Variants in RIDA observed in about 807,000 individuals in gnomAD.
RIDA encodes 2-iminobutanoate/2-iminopropanoate deaminase.
In RIDA, 17 loss-of-function variants were observed where a neutral mutation model predicts 17.8. That is an observed-to-expected ratio of 0.96 (90% confidence interval 0.65 to 1.43). The LOEUF (loss-of-function observed/expected upper bound fraction) is 1.43. Among genes scored for constraint, RIDA ranks in the 40% most tolerant of loss-of-function variants. The pLI is 0.00. For missense variants in RIDA, 158 were observed against 161.7 expected, an observed-to-expected ratio of 0.98 and a Z score of 0.12; for synonymous variants, 48 against 55.7, an observed-to-expected ratio of 0.86 and a Z score of 0.62.
At chr8:98,111,476 C>G (rs550829151) in intron 1 of RIDA, among the ~76,000 whole-genome samples, 14 of 152,032 alleles carry the variant, frequency 9.2e-5, no homozygotes, top group African/African-American at 3.4e-4. Flanking sequence ...AGTGGTGGTG[C>G]ACACCTGTAA....
rs1487368768 is a variant in RIDA, at chr8:98,108,634, A to G, written c.171+12T>C. On this transcript the variant is annotated intron_variant, in intron 2 of 5. Transcript: ENST00000254878. The stretch of plus-strand genomic sequence containing the variant: ...GTAGAAAAGGGAACCTTAAATGTGG[A>G]AAATAACTTACTTGTTTAGCTTCTT... The G allele has an allele frequency of 1.2e-5, 18 of 1,560,512 alleles. No individual in the cohort carries two copies. Among genetic ancestry groups the G allele is most frequent in the Non-Finnish European group, 1.5e-5 (17 of 1,131,200 alleles).
At position 98,106,015 on chromosome 8, in the gene RIDA, T is replaced by C. The variant is rs916656286; in HGVS notation, c.227-9A>G. The C allele has an allele frequency of 6.3e-6, 10 of 1,582,826 alleles. No homozygotes were observed. Among genetic ancestry groups the C allele is most frequent in the Non-Finnish European group, 8.7e-6 (10 of 1,151,822 alleles). On this transcript the variant is annotated splice_polypyrimidine_tract_variant and intron_variant, in intron 3 of 5. Coordinates refer to ENST00000254878, the MANE Select transcript of RIDA (RefSeq NM_005836.3). ...AACAGTTGTTTTCACCACTAGAAGA[T>C]ATAAACATTGTCATTAGGTTTAGTT... is the stretch of plus-strand genomic sequence containing the variant.
intron 2 of RIDA, among the ~76,000 whole-genome samples, chr8:98,107,663 T>G (rs1243868776): frequency 6.6e-6 from 1 of 152,194 alleles, no homozygotes; most frequent in Non-Finnish European, 1.5e-5. Context: ...AGTGGCACGA[T>G]CTTGGCTTCC....
chr8:98,115,581 G>A (rs891287462), intron 1 of RIDA, among the ~76,000 whole-genome samples: 1 of 150,922 alleles, frequency 6.6e-6, no homozygotes, highest in Non-Finnish European at 1.5e-5. Flanking sequence ...ATAGAGATGG[G>A]GGTCTCACTA....
rs888465512 is a variant in RIDA, at chr8:98,102,827, C to A, written c.*15G>T. The A allele has an allele frequency of 2.5e-6, 4 of 1,578,384 alleles. No individual in the cohort carries two copies. Among genetic ancestry groups the A allele is most frequent in the African/African-American group, 2.7e-5 (2 of 73,708 alleles). The stretch of plus-strand genomic sequence containing the variant: ...AAAATGTTAACAATTCCAGACTACA[C>A]AGCACTGGGCCCACTTATAGTGATG... On this transcript the variant is annotated 3_prime_UTR_variant, in exon 6 of 6. Coordinates refer to ENST00000254878, the MANE Select transcript of RIDA (RefSeq NM_005836.3).
intron 2 of RIDA, 57 bp from the exon 3 acceptor site, chr8:98,106,383 T>A: frequency 7.1e-7 from 1 of 1,409,686 alleles, no homozygotes; most frequent in Non-Finnish European, 1.0e-6. Context: ...AAGCTTTAAT[T>A]AAATTCAATT....
chr8:98,111,462 A>T (rs1177232748), intron 1 of RIDA, among the ~76,000 whole-genome samples: 1 of 152,120 alleles, frequency 6.6e-6, no homozygotes, highest in Non-Finnish European at 1.5e-5. Flanking sequence ...CACAAAAATT[A>T]GCCAGTGGTG....
At chr8:98,108,209 G>T (rs1361240846) in intron 2 of RIDA, among the ~76,000 whole-genome samples, 1 of 152,142 alleles carries the variant, frequency 6.6e-6, no homozygotes, top group Non-Finnish European at 1.5e-5. Context: ...GCCACATCGT[G>T]CCTGGCCTAA....
rs991273614 is a variant in RIDA at position 98,108,754 on chromosome 8, G to T, written c.66-3C>A. The T allele has an allele frequency of 1.3e-6, 2 of 1,564,380 alleles. No homozygotes were observed. Among genetic ancestry groups the T allele is most frequent in the Admixed American group, 1.7e-5 (1 of 59,876 alleles). The stretch of plus-strand genomic sequence containing the variant: ...TCCTGTCGACTAATACAGCTTGACT[G>T]CAATAAACAGAAAGCTAGTGTATTT... On this transcript the variant is annotated splice_polypyrimidine_tract_variant and splice_region_variant and intron_variant, in intron 1 of 5. Coordinates refer to ENST00000254878, the MANE Select transcript of RIDA (RefSeq NM_005836.3).
intron 1 of RIDA, among the ~76,000 whole-genome samples, chr8:98,109,953 A>C (rs543123054): frequency 6.6e-6 from 1 of 152,166 alleles, no homozygotes; most frequent in African/African-American, 2.4e-5. Context: ...AAATGAAAAC[A>C]TATGTCCAAA....
rs950552751 is a variant in RIDA, at chr8:98,106,191, C to T, written c.226+81G>A. On this transcript the variant is annotated intron_variant, in intron 3 of 5. Coordinates refer to ENST00000254878, the MANE Select transcript of RIDA (RefSeq NM_005836.3). The stretch of plus-strand genomic sequence containing the variant: ...AAATAGCAACAAAGATATGGCACGG[C>T]ATCTTACTGGATGCCATATATTTTT... 1.1e-4 allele frequency: 143 copies of T among 1,310,584 alleles called. 1 individual carries two copies. Among genetic ancestry groups the T allele is most frequent in the Middle Eastern group, 7.4e-4 (4 of 5,400 alleles). The allele number at this position is 1,310,584 out of a possible 1,614,324, so 81.2% of individuals were successfully genotyped here. A position where few individuals can be genotyped will look rare whatever the true frequency, so the allele number is the denominator to read the frequency against.
chr8:98,116,964 T>A lies in RIDA; in HGVS notation c.65+68A>T, dbSNP rs1044563212. ...TGTTAGCTGGGGCTCCGGCCCGGAGTGGCCCCAACCCCGAATCCCCGAACC... is the reference window on the plus strand; with the variant it reads ...TGTTAGCTGGGGCTCCGGCCCGGAGAGGCCCCAACCCCGAATCCCCGAACC... On this transcript the variant is annotated intron_variant, in intron 1 of 5. Coordinates refer to ENST00000254878, the MANE Select transcript of RIDA (RefSeq NM_005836.3). 9.4e-6 allele frequency: 12 copies of A among 1,276,826 alleles called. No individual in the cohort carries two copies. In the Middle Eastern group the frequency reaches 1.2e-3, roughly 127 times the overall value. 79.1% of individuals were successfully genotyped at this position (1,276,826 alleles called of 1,614,324 possible).
At chr8:98,116,884 ACT>A (rs1057413963) in intron 1 of RIDA, 146 bp downstream of exon 1, 2 of 657,192 alleles carry the variant, frequency 3.0e-6, no homozygotes. Context: ...GTGGCTCCCA[ACT>A]CTCTGTGGGT....
intron 1 of RIDA, among the ~76,000 whole-genome samples, chr8:98,114,889 C>A (rs1815781466): frequency 7.3e-6 from 1 of 136,832 alleles, no homozygotes. Context: ...GATTCCTTTT[C>A]CAATTTTTTT....
In RIDA at chr8:98,102,967, C is replaced by CT. The variant is rs1409991906; in HGVS notation, c.352-64dup. On this transcript the variant is annotated intron_variant, in intron 5 of 5. Transcript: ENST00000254878. ...GTACAAATTGCAAACTCTATAATACCTACTAAAAACATGCAACCAACAGCA... is the reference window on the plus strand; with the variant it reads ...GTACAAATTGCAAACTCTATAATACCTTACTAAAAACATGCAACCAACAGCA... 14 of 1,134,428 alleles carry CT rather than the reference C, an allele frequency of 1.2e-5. No individual in the cohort carries two copies. In the African/African-American group the frequency reaches 2.2e-4, roughly 17 times the overall value. The allele number at this position is 1,134,428 out of a possible 1,614,324, so 70.3% of individuals were successfully genotyped here.
intron 4 of RIDA, 54 bp downstream of exon 4, chr8:98,105,884 C>G (rs1815625635): frequency 1.1e-5 from 12 of 1,068,418 alleles, no homozygotes; most frequent in Non-Finnish European, 1.6e-5. Flanking sequence ...ATTAATGTGA[C>G]CAGATTTCTT....
chr8:98,106,110 G>T, intron 3 of RIDA, 104 bp from the exon 4 acceptor site: 2 of 1,097,324 alleles, frequency 1.8e-6, no homozygotes, highest in Non-Finnish European at 2.8e-6. Flanking sequence ...ATTAAAATGG[G>T]ACTGAAATGG....
rs368529513 is a variant in RIDA, at chr8:98,117,134, A to C, written c.-38T>G. Reference sequence around the variant, plus strand: ...CCTCTTGCAGCCCCTTCAGGAGAAGAAGCCCCAGCACCAGCCCTGCTGGCT... The same window carrying C: ...CCTCTTGCAGCCCCTTCAGGAGAAGCAGCCCCAGCACCAGCCCTGCTGGCT... On this transcript the variant is annotated 5_prime_UTR_variant, in exon 1 of 6. Transcript: ENST00000254878. 10 of 1,594,722 alleles carry C rather than the reference A, an allele frequency of 6.3e-6. No homozygotes were observed. The highest frequency in any genetic ancestry group is 1.7e-5 in the Admixed American group (1 of 60,016).
At chr8:98,107,533 C>T (rs1815648379) in intron 2 of RIDA, among the ~76,000 whole-genome samples, 1 of 152,090 alleles carries the variant, frequency 6.6e-6, no homozygotes, top group Non-Finnish European at 1.5e-5. Flanking sequence ...AGAAACAAAA[C>T]AAAACAAAAC....
Sources: gnomAD v4.1 joint callset for allele counts (sites outside exome capture counted in the v4.1 genomes callset) on GRCh38, gnomAD v4.1.1 for gene constraint, MANE v1.5 for transcripts, NCBI Gene and HGNC (gene_info 2026-07-23, HGNC 2026-07-21) for gene names.